GRIK3: variants seen among roughly 807,000 people sequenced by gnomAD.
The protein encoded by GRIK3 is glutamate receptor ionotropic, kainate 3.
A neutral mutation model predicts 102.5 loss-of-function variants in GRIK3; 29 were observed. The observed-to-expected ratio is 0.28, with a 90% CI of 0.21 to 0.39. The LOEUF (loss-of-function observed/expected upper bound fraction) is 0.39. Ranked by LOEUF, GRIK3 falls within the 10% of genes least tolerant of loss-of-function variation. The pLI, the probability that GRIK3 is intolerant of heterozygous loss-of-function variation, is 1.00. For missense variants in GRIK3, 908 were observed against 1,252.4 expected, an observed-to-expected ratio of 0.73 and a Z score of 4.15; for synonymous variants, 511 against 504.9, an observed-to-expected ratio of 1.01 and a Z score of -0.16.
rs528120 is a variant in GRIK3 at position 36,989,052 on chromosome 1, C to T, written c.115+44942G>A. Among the ~76,000 whole-genome samples, 359 of 152,244 alleles carry T rather than the reference C, an allele frequency of 2.4e-3. 4 individuals are homozygous for T. Among genetic ancestry groups the T allele is most frequent in the African/African-American group, 8.0e-3 (334 of 41,536 alleles). ...CACCACCTCCCCAGCCTCACACTCA[C>T]GTGATGCTCAGACACACCTCCCTCC... On this transcript the variant is annotated intron_variant, in intron 1 of 15. Transcript: ENST00000373091.
rs112669717 is a variant in GRIK3, at chr1:36,921,591, C to G, written c.116-30495G>C. ...TGGCAGCTAGTGCTATTTTTATTAC[C>G]ATATTTCATTGATTTCAAATCACAC... On this transcript the variant is annotated intron_variant, in intron 1 of 15. Coordinates refer to ENST00000373091, the MANE Select transcript of GRIK3 (RefSeq NM_000831.4). Among the ~76,000 whole-genome samples, 804 of 146,860 alleles carry G rather than the reference C, an allele frequency of 5.5e-3. 7 individuals carry two copies. Among genetic ancestry groups the G allele is most frequent in the African/African-American group, 0.019 (771 of 40,030 alleles).
Position 36,880,440 on chromosome 1 carries a change from A to C in GRIK3, c.550+194T>G, listed in dbSNP as rs1288838324. Among the ~76,000 whole-genome samples, 1 of 151,982 alleles carries C rather than the reference A, an allele frequency of 6.6e-6. No individual in the cohort carries two copies. Among genetic ancestry groups the C allele is most frequent in the Non-Finnish European group, 1.5e-5 (1 of 67,974 alleles). The stretch of plus-strand genomic sequence containing the variant: ...GTGAGGTGCGCTGGGGCTGAGTGAG[A>C]TATGAGTGCCGCTGGGGTGCACAGG... On this transcript the variant is annotated intron_variant, in intron 3 of 15. Transcript: ENST00000373091. The surrounding 1 kb of genome is among the most constrained non-coding windows in gnomAD (Gnocchi z 5.4).
intron 1 of GRIK3, among the ~76,000 whole-genome samples, chr1:36,948,141 A>G (rs1456746753): frequency 2.0e-5 from 3 of 152,238 alleles, no homozygotes; most frequent in African/African-American, 7.2e-5. Context: ...ACCTGGTATC[A>G]AACTGGGGCA....
At chr1:37,018,598 T>C (rs1011616694) in intron 1 of GRIK3, among the ~76,000 whole-genome samples, 7 of 152,160 alleles carry the variant, frequency 4.6e-5, no homozygotes, top group Non-Finnish European at 1.0e-4. Context: ...GGAGAAAGCA[T>C]TAATATTTTT....
intron 1 of GRIK3, among the ~76,000 whole-genome samples, chr1:36,948,815 C>A (rs1032688614): frequency 3.4e-4 from 52 of 152,128 alleles, no homozygotes; most frequent in African/African-American, 1.2e-3. Flanking sequence ...AGCCCACTGC[C>A]CGCCAGGTGG....
At chr1:36,962,860 G>A (rs989220020) in intron 1 of GRIK3, among the ~76,000 whole-genome samples, 1 of 143,908 alleles carries the variant, frequency 6.9e-6, no homozygotes, top group African/African-American at 2.7e-5. Flanking sequence ...CTCCAGCCTG[G>A]GCAACAGAGC....
chr1:36,909,420 T>C (rs913315392), intron 1 of GRIK3, among the ~76,000 whole-genome samples: 3 of 151,778 alleles, frequency 2.0e-5, no homozygotes, highest in African/African-American at 7.3e-5. Flanking sequence ...TGCCTCAGCC[T>C]CCTGAATAGC....
intron 5 of GRIK3, among the ~76,000 whole-genome samples, chr1:36,866,572 T>C (rs956075709): frequency 1.3e-5 from 2 of 152,228 alleles, no homozygotes; most frequent in African/African-American, 4.8e-5. Flanking sequence ...ATTTAACACT[T>C]ACACTGTAAT....
chr1:37,018,632 T>C (rs1175329344), intron 1 of GRIK3, among the ~76,000 whole-genome samples: 5 of 152,106 alleles, frequency 3.3e-5, no homozygotes, highest in Non-Finnish European at 7.4e-5. Flanking sequence ...TGACCCTCCT[T>C]AACTGCAGGC....
At chr1:37,030,438 C>T (rs1216101754) in intron 1 of GRIK3, among the ~76,000 whole-genome samples, 1 of 151,984 alleles carries the variant, frequency 6.6e-6, no homozygotes, top group African/African-American at 2.4e-5. Flanking sequence ...GCCTGCTGGG[C>T]CCCTGTATAT....
intron 1 of GRIK3, among the ~76,000 whole-genome samples, chr1:37,015,548 T>C (rs1482599148): frequency 1.3e-5 from 2 of 152,090 alleles, no homozygotes; most frequent in Non-Finnish European, 2.9e-5. Context: ...AAATCTCCCT[T>C]CTGCAGCCAC....
intron 8 of GRIK3, among the ~76,000 whole-genome samples, chr1:36,851,989 C>G (rs114709268): frequency 0.03 from 4,618 of 152,290 alleles, 111 homozygotes; most frequent in Non-Finnish European, 0.046. Flanking sequence ...GGGACAGCTA[C>G]TTGAGTGAAT....
chr1:36,981,979 G>T (rs888037215), intron 1 of GRIK3, among the ~76,000 whole-genome samples: 5 of 152,160 alleles, frequency 3.3e-5, no homozygotes, highest in African/African-American at 9.7e-5. Context: ...AGCAAACGGG[G>T]AGCGGGAGTG....
chr1:37,029,641 C>T (rs1642799920), intron 1 of GRIK3, among the ~76,000 whole-genome samples: 1 of 152,218 alleles, frequency 6.6e-6, no homozygotes, highest in Admixed American at 6.5e-5. Context: ...AGGGGTAGTT[C>T]CACAGCCCAC....
intron 1 of GRIK3, among the ~76,000 whole-genome samples, chr1:36,954,643 C>T (rs1553122721): frequency 6.6e-6 from 1 of 152,182 alleles, no homozygotes; most frequent in Non-Finnish European, 1.5e-5. Context: ...CTGAGGTTCC[C>T]CTGATTACTG....
At chr1:36,875,392 C>T (rs1013447496) in intron 3 of GRIK3, among the ~76,000 whole-genome samples, 1 of 152,234 alleles carries the variant, frequency 6.6e-6, no homozygotes, top group Non-Finnish European at 1.5e-5. Context: ...GGGGAGATTG[C>T]AGCCATGACC....
rs367864571 is a variant in GRIK3, at chr1:36,906,731, T to C, written c.116-15635A>G. 5.3e-5 allele frequency among the ~76,000 whole-genome samples: 8 copies of C among 152,348 alleles called. 1 individual carries two copies. Among genetic ancestry groups the C allele is most frequent in the African/African-American group, 1.7e-4 (7 of 41,568 alleles). On this transcript the variant is annotated intron_variant, in intron 1 of 15. Transcript: ENST00000373091. ...AGACAATGTGTCACAGTAGGCACAG[T>C]TGTGTTTCAATAAAACTTTATTTGC...
At position 36,806,150 on chromosome 1, in the gene GRIK3, G is replaced by A. The variant is rs778736854; in HGVS notation, c.2268C>T (p.Ile756=). 4 of 1,613,690 alleles carry A rather than the reference G, an allele frequency of 2.5e-6. No individual in the cohort carries two copies. The highest frequency in any genetic ancestry group is 1.6e-4 in the Middle Eastern group (1 of 6,082). The part of the protein sequence containing the change: ...VTQRNCNLTQ[I]GGLIDSKGYG... ...AGCCCTTGGAGTCAATGAGGCCCCC[G>A]ATCTGGGTGAGGTTGCAGTTCCTCT... The change falls in exon 14 of 16, where the codon ATC becomes ATT. Residue 756 remains isoleucine, a synonymous_variant. Coordinates refer to ENST00000373091, the MANE Select transcript of GRIK3 (RefSeq NM_000831.4). The surrounding 1 kb of genome is among the most constrained non-coding windows in gnomAD (Gnocchi z 4.0).
chr1:37,030,529 TTC>T (rs1491374285), intron 1 of GRIK3, among the ~76,000 whole-genome samples: 1 of 117,284 alleles, frequency 8.5e-6, no homozygotes, highest in African/African-American at 4.1e-5. Context: ...ACCCTTCCTT[TTC>T]CCCACCCCCC....
Sources: gnomAD v4.1 joint callset for allele counts (sites outside exome capture counted in the v4.1 genomes callset) on GRCh38, gnomAD v4.1.1 for gene constraint, Gnocchi (gnomAD v3.1) non-coding constraint, MANE v1.5 for transcripts, NCBI Gene and HGNC (gene_info 2026-07-23, HGNC 2026-07-21) for gene names.